Variants in CCER2 observed in about 807,000 individuals in gnomAD.
CCER2 encodes the protein coiled-coil domain-containing glutamate-rich protein 2.
In CCER2, 20 loss-of-function variants were observed where a neutral mutation model predicts 27.1. That is an observed-to-expected ratio of 0.74 (90% CI 0.52 to 1.07). The LOEUF (loss-of-function observed/expected upper bound fraction) is 1.07. CCER2 is among the 50% of genes least tolerant of loss of function. CCER2 has a pLI of 0.00. For missense variants in CCER2, 351 were observed against 344.7 expected, an observed-to-expected ratio of 1.02 and a Z score of -0.14; for synonymous variants, 140 against 144.3, an observed-to-expected ratio of 0.97 and a Z score of 0.21.
Position 38,909,289 on chromosome 19 carries a change from C to T in CCER2, c.748G>A (p.Glu250Lys), listed in dbSNP as rs544007042. 57 of 1,535,504 alleles carry T rather than the reference C, an allele frequency of 3.7e-5. No homozygotes were observed. The highest frequency in any genetic ancestry group is 2.0e-4 in the Admixed American group (10 of 50,978). Reference protein sequence around the residue: ...EVEQLEHLRDELKKVTETLGE... With the variant: ...EVEQLEHLRDKLKKVTETLGE... Reference sequence around the variant, plus strand: ...AGCGTCTCTGTCACCTTCTTCAGTTCGTCTCTCAAGTGCTCCAGCTGCTCC... The same window carrying T: ...AGCGTCTCTGTCACCTTCTTCAGTTTGTCTCTCAAGTGCTCCAGCTGCTCC... The change falls in exon 5 of 5, where the codon GAA becomes AAA. Residue 250 changes from glutamate (E) to lysine (K), a missense_variant. Glu to Lys is a moderately conservative substitution (Grantham distance 56). Transcript: ENST00000571838.
chr19:38,911,862 AAGG>A lies in CCER2; in HGVS notation c.62-13_62-11del. ...AAGGGAGCAGCGGTGGCTGTGGAGA[AAGG>A]AGATGGCACTGGGCTTTGCCGCCCT... On this transcript the variant is annotated splice_polypyrimidine_tract_variant and intron_variant, in intron 1 of 4. Coordinates refer to ENST00000571838, the MANE Select transcript of CCER2 (RefSeq NM_001243212.2). The A allele has an allele frequency of 1.3e-6, 2 of 1,534,786 alleles. No homozygotes were observed. Among genetic ancestry groups the A allele is most frequent in the Non-Finnish European group, 8.7e-7 (1 of 1,146,600 alleles).
rs943782742 is a variant in CCER2 at position 38,910,428 on chromosome 19, T to C, written c.711+135A>G. On this transcript the variant is annotated intron_variant, in intron 4 of 4. Coordinates refer to ENST00000571838, the MANE Select transcript of CCER2 (RefSeq NM_001243212.2). ...TGTTAGCCAGTCGTGGTGTCAGTCT[T>C]GGCCACTGTGATCCACTAGTGATGG... 156 of 1,289,522 alleles carry C rather than the reference T, an allele frequency of 1.2e-4. No individual in the cohort carries two copies. The East Asian group carries it at 4.0e-3, about 33-fold the overall frequency. 79.9% of individuals were successfully genotyped at this position (1,289,522 alleles called of 1,614,324 possible). A position where few individuals can be genotyped will look rare whatever the true frequency, so the allele number is the denominator to read the frequency against.
chr19:38,911,463 G>T, intron 3 of CCER2, 103 bp downstream of exon 3: 3 of 955,974 alleles, frequency 3.1e-6, no homozygotes, highest in South Asian at 1.5e-5. Flanking sequence ...CCTCCAGGTA[G>T]CCTGGGTGGG....
rs1437517318 is a variant in CCER2 at position 38,910,472 on chromosome 19, A to C, written c.711+91T>G. 3 of 1,418,120 alleles carry C rather than the reference A, an allele frequency of 2.1e-6. No homozygotes were observed. In the African/African-American group the frequency reaches 4.3e-5, roughly 20 times the overall value. The allele number at this position is 1,418,120 out of a possible 1,614,324, so 87.8% of individuals were successfully genotyped here. On this transcript the variant is annotated intron_variant, in intron 4 of 4. Transcript: ENST00000571838. ...GTGATGGATCTGGTGGTGCAGGGCC[A>C]ACACCGGTGGCTGTGAGTTGTGACT...
chr19:38,912,162 G>A lies in CCER2; in HGVS notation c.-4C>T. The A allele has an allele frequency of 6.7e-7, 1 of 1,486,468 alleles. No individual in the cohort carries two copies. The highest frequency in any genetic ancestry group is 8.9e-7 in the Non-Finnish European group (1 of 1,125,622). The allele number at this position is 1,486,468 out of a possible 1,614,324, so 92.1% of individuals were successfully genotyped here. ...AGGCTGGCCCTCGGGGCGGCATGGT[G>A]GGCGTCCAACGGGTCCAAGGCGCTG... is the stretch of plus-strand genomic sequence containing the variant. On this transcript the variant is annotated 5_prime_UTR_variant, in exon 1 of 5. Coordinates refer to ENST00000571838, the MANE Select transcript of CCER2 (RefSeq NM_001243212.2).
chr19:38,911,373 T>C (rs1481050552), intron 3 of CCER2, among the ~76,000 whole-genome samples, 193 bp downstream of exon 3: 2 of 152,176 alleles, frequency 1.3e-5, no homozygotes, highest in African/African-American at 2.4e-5. Flanking sequence ...GTGTTGCTGG[T>C]GGCCAGGCTC....
At chr19:38,910,427 T>G (rs1210177768) in intron 4 of CCER2, 136 bp downstream of exon 4, 5 of 1,286,128 alleles carry the variant, frequency 3.9e-6, no homozygotes, top group Non-Finnish European at 5.1e-6. Context: ...GGTGTCAGTC[T>G]TGGCCACTGT....
rs188963565 is a variant in CCER2, at chr19:38,912,153, C to T, written c.6G>A (p.Pro2=). 4.1e-5 allele frequency: 61 copies of T among 1,490,482 alleles called. No homozygotes were observed. Among genetic ancestry groups the T allele is most frequent in the South Asian group, 5.2e-5 (4 of 76,954 alleles). 92.3% of individuals were successfully genotyped at this position (1,490,482 alleles called of 1,614,324 possible). A position where few individuals can be genotyped will look rare whatever the true frequency, so the allele number is the denominator to read the frequency against. The change falls in exon 1 of 5, where the codon CCG becomes CCA. Residue 2 remains proline (P), a synonymous_variant. Coordinates refer to ENST00000571838, the MANE Select transcript of CCER2 (RefSeq NM_001243212.2). M[P]PRGPASELLL... The stretch of plus-strand genomic sequence containing the variant: ...GCAGCTCAGAGGCTGGCCCTCGGGG[C>T]GGCATGGTGGGCGTCCAACGGGTCC...
At chr19:38,910,462 G>A (rs1180125289) in intron 4 of CCER2, 101 bp downstream of exon 4, 2 of 1,402,422 alleles carry the variant, frequency 1.4e-6, no homozygotes, top group Non-Finnish European at 1.9e-6. Context: ...GGATCTGGTG[G>A]TGCAGGGCCA....
At position 38,910,709 on chromosome 19, in the gene CCER2, G is replaced by A. The variant is rs907918459; in HGVS notation, c.565C>T (p.Arg189Trp). Residue 189 changes from arginine to tryptophan, a missense_variant, in exon 4 of 5, where the codon CGG becomes TGG. Coordinates refer to ENST00000571838, the MANE Select transcript of CCER2 (RefSeq NM_001243212.2). ...AGGCTGCGGTCCCCGCCCAGCACCC[G>A]CACCCCCTTCTCCTCTGCCTGGAAC... is the stretch of plus-strand genomic sequence containing the variant. ...AQFQAEEKGVRVLGGDRSLWQ... is the reference protein window; with the variant it reads ...AQFQAEEKGVWVLGGDRSLWQ... 6 of 1,532,030 alleles carry A rather than the reference G, an allele frequency of 3.9e-6. No homozygotes were observed. The East Asian group carries it at 7.3e-5, about 19-fold the overall frequency. 94.9% of individuals were successfully genotyped at this position (1,532,030 alleles called of 1,614,324 possible).
chr19:38,911,109 C>CT lies in CCER2; in HGVS notation c.191-27dup, dbSNP rs1213892854. The CT allele has an allele frequency of 2.1e-5, 30 of 1,407,204 alleles. No individual in the cohort carries two copies. The East Asian group carries it at 7.4e-4, about 35-fold the overall frequency. The allele number at this position is 1,407,204 out of a possible 1,614,324, so 87.2% of individuals were successfully genotyped here. A position where few individuals can be genotyped will look rare whatever the true frequency, so the allele number is the denominator to read the frequency against. Reference sequence around the variant, plus strand: ...CTGGCAGAAAGGGAAAGGACACTCTCTAAGCATCCAATTGGGAAACTGAGG... The same window carrying CT: ...CTGGCAGAAAGGGAAAGGACACTCTCTTAAGCATCCAATTGGGAAACTGAGG... On this transcript the variant is annotated intron_variant, in intron 3 of 4. Coordinates refer to ENST00000571838, the MANE Select transcript of CCER2 (RefSeq NM_001243212.2).
Position 38,912,138 on chromosome 19 carries a change from G to A in CCER2, c.21C>T (p.Ala7=). The change falls in exon 1 of 5, where the codon GCC becomes GCT. Residue 7 remains alanine (A), a synonymous_variant. Transcript: ENST00000571838. MPPRGP[A]SELLLLRLLL... ...GCAGCCGCAGCAGCAGCAGCTCAGA[G>A]GCTGGCCCTCGGGGCGGCATGGTGG... 1 of 1,502,782 alleles carries A rather than the reference G, an allele frequency of 6.7e-7. No homozygotes were observed. Among genetic ancestry groups the A allele is most frequent in the South Asian group, 1.3e-5 (1 of 79,138 alleles). The allele number at this position is 1,502,782 out of a possible 1,614,324, so 93.1% of individuals were successfully genotyped here. A position where few individuals can be genotyped will look rare whatever the true frequency, so the allele number is the denominator to read the frequency against.
chr19:38,910,907 G>A lies in CCER2; in HGVS notation c.367C>T (p.Arg123Cys), dbSNP rs748307089. Reference protein sequence around the residue: ...HKSEVQEQAIRMQGHRQLHQE... With the variant: ...HKSEVQEQAICMQGHRQLHQE... Reference sequence around the variant, plus strand: ...TGGAGCTGGCGATGCCCTTGCATGCGGATGGCTTGTTCCTGGACCTCAGAC... The same window carrying A: ...TGGAGCTGGCGATGCCCTTGCATGCAGATGGCTTGTTCCTGGACCTCAGAC... Residue 123 changes from arginine to cysteine, a missense_variant, in exon 4 of 5, where the codon CGC becomes TGC. Coordinates refer to ENST00000571838, the MANE Select transcript of CCER2 (RefSeq NM_001243212.2). 2.0e-6 allele frequency: 3 copies of A among 1,515,398 alleles called. No homozygotes were observed. The highest frequency in any genetic ancestry group is 1.3e-5 in the South Asian group (1 of 79,738). 93.9% of individuals were successfully genotyped at this position (1,515,398 alleles called of 1,614,324 possible).
Position 38,912,124 on chromosome 19 carries a change from A to C in CCER2, c.35T>G (p.Leu12Arg). The C allele has an allele frequency of 6.6e-7, 1 of 1,514,620 alleles. No individual in the cohort carries two copies. The highest frequency in any genetic ancestry group is 1.2e-5 in the South Asian group (1 of 81,106). 93.8% of individuals were successfully genotyped at this position (1,514,620 alleles called of 1,614,324 possible). A position where few individuals can be genotyped will look rare whatever the true frequency, so the allele number is the denominator to read the frequency against. The part of the protein sequence containing the change: ...PPRGPASELL[L>R]LRLLLLGAAT... The stretch of plus-strand genomic sequence containing the variant: ...CGCCCCCAGCAGGAGCAGCCGCAGC[A>C]GCAGCAGCTCAGAGGCTGGCCCTCG... Residue 12 changes from leucine (L) to arginine (R), a missense_variant, in exon 1 of 5, where the codon CTG becomes CGG. Physicochemically the swap from Leu to Arg is moderately radical, Grantham distance 102. Coordinates refer to ENST00000571838, the MANE Select transcript of CCER2 (RefSeq NM_001243212.2).
rs1297833019 is a variant in CCER2 at position 38,910,989 on chromosome 19, C to A, written c.285G>T (p.Arg95Ser). The change falls in exon 4 of 5, where the codon AGG (arginine) becomes AGT (serine). Residue 95 changes from arginine (R) to serine (S), a missense_variant. Transcript: ENST00000571838. ...CCTCATCCCTCACCTCCTGGCTGGACCTCATCTTCCCAGCCTCCTGCTTCT... is the reference window on the plus strand; with the variant it reads ...CCTCATCCCTCACCTCCTGGCTGGAACTCATCTTCCCAGCCTCCTGCTTCT... ...DFKKQEAGKM[R>S]SSQEVRDEEE... 5 of 1,506,748 alleles carry A rather than the reference C, an allele frequency of 3.3e-6. No homozygotes were observed. In the East Asian group the frequency reaches 1.2e-4, roughly 37 times the overall value. 93.3% of individuals were successfully genotyped at this position (1,506,748 alleles called of 1,614,324 possible).
In CCER2 at chr19:38,909,296, C is replaced by T. The variant is rs1189247678; in HGVS notation, c.741G>A (p.Leu247=). Residue 247 remains leucine (L), a synonymous_variant, in exon 5 of 5, where the codon TTG becomes TTA. Coordinates refer to ENST00000571838, the MANE Select transcript of CCER2 (RefSeq NM_001243212.2). ...EEKEVEQLEH[L]RDELKKVTET... ...CTGTCACCTTCTTCAGTTCGTCTCT[C>T]AAGTGCTCCAGCTGCTCCACCTCCT... is the stretch of plus-strand genomic sequence containing the variant. The T allele has an allele frequency of 3.9e-6, 6 of 1,535,542 alleles. No individual in the cohort carries two copies. Among genetic ancestry groups the T allele is most frequent in the Non-Finnish European group, 4.4e-6 (5 of 1,146,754 alleles).
chr19:38,910,741 G>A lies in CCER2; in HGVS notation c.533C>T (p.Thr178Met), dbSNP rs967538338. The A allele has an allele frequency of 1.6e-5, 24 of 1,533,524 alleles. No individual in the cohort carries two copies. In the East Asian group the frequency reaches 1.7e-4, roughly 11 times the overall value. The allele number at this position is 1,533,524 out of a possible 1,614,324, so 95.0% of individuals were successfully genotyped here. A position where few individuals can be genotyped will look rare whatever the true frequency, so the allele number is the denominator to read the frequency against. The change falls in exon 4 of 5, where the codon ACG becomes ATG. Residue 178 changes from threonine to methionine, a missense_variant. Transcript: ENST00000571838. ...CTTCTCCTCTGCCTGGAACTGGGCC[G>A]TCTCTTTGTCACTGGCCTTCTCTGC... Reference protein sequence around the residue: ...RVAEKASDKETAQFQAEEKGV... With the variant: ...RVAEKASDKEMAQFQAEEKGV...
At chr19:38,909,475 G>A in intron 4 of CCER2, 150 bp from the exon 5 acceptor site, 2 of 754,446 alleles carry the variant, frequency 2.7e-6, no homozygotes, top group Non-Finnish European at 2.2e-6. Flanking sequence ...CATGCTGATT[G>A]CCATAACCCC....
At position 38,910,646 on chromosome 19, in the gene CCER2, C is replaced by T. The variant is rs1372884647; in HGVS notation, c.628G>A (p.Glu210Lys). 9 of 1,531,414 alleles carry T rather than the reference C, an allele frequency of 5.9e-6. No homozygotes were observed. Among genetic ancestry groups the T allele is most frequent in the East Asian group, 2.4e-5 (1 of 40,904 alleles). 94.9% of individuals were successfully genotyped at this position (1,531,414 alleles called of 1,614,324 possible). A position where few individuals can be genotyped will look rare whatever the true frequency, so the allele number is the denominator to read the frequency against. The change falls in exon 4 of 5, where the codon GAG becomes AAG. Residue 210 changes from glutamate to lysine, a missense_variant. Coordinates refer to ENST00000571838, the MANE Select transcript of CCER2 (RefSeq NM_001243212.2). ...TGGTGGTGGTGGTGGGGCAAGTCCT[C>T]GCGCCTCTCTCCTCCGCCTCTCTCG... ...GAERGGGERR[E>K]DLPHHHHHHH...
Sources: gnomAD v4.1 joint callset for allele counts (sites outside exome capture counted in the v4.1 genomes callset) on GRCh38, gnomAD v4.1.1 for gene constraint, MANE v1.5 for transcripts, NCBI Gene and HGNC (gene_info 2026-07-23, HGNC 2026-07-21) for gene names.